The following MOSMO variants were observed in gnomAD, a reference collection of about 807,000 sequenced individuals.
MOSMO encodes modulator of smoothened, also known as modulator of smoothened protein.
MOSMO carries 5 observed loss-of-function variants against 18.4 expected under a neutral mutation model. That is an observed-to-expected ratio of 0.27 (90% CI 0.14 to 0.57). The LOEUF is 0.57. Ranked by LOEUF, MOSMO falls within the 20% of genes least tolerant of loss-of-function variation. The pLI is 0.92. For synonymous variants in MOSMO, 82 were observed against 82.3 expected, an observed-to-expected ratio of 1.00 and a Z score of 0.02; for missense variants, 138 against 211.8, an observed-to-expected ratio of 0.65 and a Z score of 2.16.
intron 1 of MOSMO, among the ~76,000 whole-genome samples, chr16:22,057,650 A>G (rs183247993): frequency 2.0e-5 from 3 of 152,364 alleles, no homozygotes; most frequent in Admixed American, 2.0e-4. Flanking sequence ...GGAAAATAAG[A>G]TAGATACTGG....
At chr16:22,067,776 G>C (rs1900775641) in intron 1 of MOSMO, among the ~76,000 whole-genome samples, 1 of 152,110 alleles carries the variant, frequency 6.6e-6, no homozygotes, top group Non-Finnish European at 1.5e-5. Context: ...CTACTCAGGA[G>C]GCTGAGGTAG....
At chr16:22,071,928 C>T (rs557398220) in intron 1 of MOSMO, among the ~76,000 whole-genome samples, 1 of 152,068 alleles carries the variant, frequency 6.6e-6, no homozygotes, top group Non-Finnish European at 1.5e-5. Flanking sequence ...TAATGCAGTG[C>T]GATTTTAAAT....
downstream of MOSMO, among the ~76,000 whole-genome samples, chr16:22,089,266 CTT>C (rs911352855): frequency 4.6e-5 from 7 of 152,132 alleles, no homozygotes; most frequent in African/African-American, 1.7e-4. Context: ...TGGGGTCTCA[CTT>C]TGTTGCCCAG....
intron 1 of MOSMO, among the ~76,000 whole-genome samples, chr16:22,054,484 A>C (rs1007109866): frequency 6.6e-6 from 1 of 152,194 alleles, no homozygotes; most frequent in African/African-American, 2.4e-5. Context: ...AATTTATCAA[A>C]TATCAGTGAT....
chr16:22,074,587 G>T (rs1465428824), intron 1 of MOSMO, among the ~76,000 whole-genome samples: 5 of 152,310 alleles, frequency 3.3e-5, no homozygotes, highest in African/African-American at 1.2e-4. Context: ...TATTGGGGAA[G>T]AAGATCAAAT....
intron 1 of MOSMO, among the ~76,000 whole-genome samples, chr16:22,062,909 A>G (rs1170284590): frequency 2.0e-5 from 3 of 152,130 alleles, no homozygotes; most frequent in Non-Finnish European, 4.4e-5. Context: ...CTGGGGTGCC[A>G]TGACGCGATC....
At chr16:22,064,070 T>C (rs939830580) in intron 1 of MOSMO, among the ~76,000 whole-genome samples, 2 of 152,170 alleles carry the variant, frequency 1.3e-5, no homozygotes, top group Admixed American at 6.5e-5. Context: ...TTGGGGAGAT[T>C]AGAACAGATG....
intron 1 of MOSMO, among the ~76,000 whole-genome samples, chr16:22,036,218 C>T (rs1900106025): frequency 6.6e-6 from 1 of 152,110 alleles, no homozygotes; most frequent in African/African-American, 2.4e-5. Flanking sequence ...CCTTGACATC[C>T]TGGGCCAAGT....
chr16:22,011,839 A>G (rs1899535463), intron 1 of MOSMO, among the ~76,000 whole-genome samples: 1 of 152,036 alleles, frequency 6.6e-6, no homozygotes, highest in South Asian at 2.1e-4. Flanking sequence ...CCAAAACATA[A>G]AACGAATGGG....
intron 1 of MOSMO, among the ~76,000 whole-genome samples, chr16:22,062,748 C>T (rs931353911): frequency 3.3e-5 from 5 of 152,202 alleles, no homozygotes; most frequent in Admixed American, 3.3e-4. Context: ...TCTCTTAATA[C>T]ACACAATACT....
chr16:22,036,051 T>C (rs1236522002), intron 1 of MOSMO, among the ~76,000 whole-genome samples: 1 of 152,228 alleles, frequency 6.6e-6, no homozygotes, highest in African/African-American at 2.4e-5. Flanking sequence ...TTAATTGCTC[T>C]AGATGTTACC....
At chr16:22,059,214 T>C (rs1232532351) in intron 1 of MOSMO, among the ~76,000 whole-genome samples, 5 of 152,218 alleles carry the variant, frequency 3.3e-5, no homozygotes, top group Admixed American at 3.3e-4. Flanking sequence ...AACAGTTTTG[T>C]CTAGATACAG....
chr16:22,012,758 G>C (rs982438875), intron 1 of MOSMO, among the ~76,000 whole-genome samples: 1 of 142,932 alleles, frequency 7.0e-6, no homozygotes, highest in South Asian at 2.3e-4. Flanking sequence ...AAAAAAAAAA[G>C]AGTAACTTCC....
intron 1 of MOSMO, among the ~76,000 whole-genome samples, chr16:22,014,824 T>A (rs1268616418): frequency 6.6e-6 from 1 of 152,210 alleles, no homozygotes; most frequent in African/African-American, 2.4e-5. Flanking sequence ...TTTGGTTACC[T>A]AAAAGGGCAA....
At chr16:22,091,458 G>A (rs555136870), downstream of MOSMO, among the ~76,000 whole-genome samples, 3 of 152,212 alleles carry the variant, frequency 2.0e-5, no homozygotes, top group South Asian at 2.1e-4. Flanking sequence ...ATCATAGCTC[G>A]CTGTAGCCTT....
intron 1 of MOSMO, among the ~76,000 whole-genome samples, chr16:22,013,892 A>T (rs553080195): frequency 2.4e-4 from 37 of 151,408 alleles, no homozygotes. Context: ...GGGGGGGGGA[A>T]TCTCAAAAAC....
intron 1 of MOSMO, among the ~76,000 whole-genome samples, chr16:22,012,227 G>T (rs964184073): frequency 6.6e-6 from 1 of 152,244 alleles, no homozygotes. Flanking sequence ...TGAAAACCAC[G>T]GCAGTGAACT....
In MOSMO at chr16:22,083,876, A is replaced by G; in HGVS notation, c.*2996A>G. On this transcript the variant is annotated 3_prime_UTR_variant, in exon 3 of 3. Transcript: ENST00000542527. ...GTATGATTCTTTCCAAAGGTAATCC[A>G]TGTTCTATGTTGTTAATGTGTGTAT... 1 of 344,894 alleles carries G rather than the reference A, an allele frequency of 2.9e-6. No individual in the cohort carries two copies. The highest frequency in any genetic ancestry group is 2.3e-5 in the South Asian group (1 of 43,504). 21.4% of individuals were successfully genotyped at this position (344,894 alleles called of 1,614,324 possible). A position where few individuals can be genotyped will look rare whatever the true frequency, so the allele number is the denominator to read the frequency against.
chr16:22,036,472 G>A (rs145641277), intron 1 of MOSMO, among the ~76,000 whole-genome samples: 185 of 152,142 alleles, frequency 1.2e-3, no homozygotes, highest in African/African-American at 4.2e-3. Flanking sequence ...TTTAGAGGCA[G>A]GGTCCTGCTC....
Sources: allele counts gnomAD v4.1 joint callset (sites outside exome capture counted in the v4.1 genomes callset), GRCh38; gene constraint gnomAD v4.1.1; transcripts MANE v1.5; gene names NCBI Gene and HGNC (gene_info 2026-07-23, HGNC 2026-07-21).